Variants in PLCH2 observed in about 807,000 individuals in gnomAD.
PLCH2 encodes the protein phospholipase C eta 2, also known as 1-phosphatidylinositol 4,5-bisphosphate phosphodiesterase eta-2.
Under a neutral mutation model 134.7 loss-of-function variants are expected in PLCH2, and 98 were observed. The observed-to-expected ratio is 0.73, with a 90% CI of 0.62 to 0.86. The LOEUF (loss-of-function observed/expected upper bound fraction) is 0.86, where lower values mean the gene tolerates loss of function less well. Among genes scored for constraint, PLCH2 ranks in the 40% least tolerant of loss-of-function variants. The pLI is 0.00. For missense variants in PLCH2, 1,994 were observed against 1,986.6 expected (o/e 1.00, Z -0.07); for synonymous variants, 974 against 827.5 (o/e 1.18, Z -3.04).
chr1:2,483,363 G>A (rs909480895), intron 4 of PLCH2, among the ~76,000 whole-genome samples: 3 of 152,220 alleles, frequency 2.0e-5, no homozygotes, highest in African/African-American at 7.2e-5. Context: ...GGCTCACTGG[G>A]AGCGTAGGAC....
chr1:2,455,680 G>A (rs1044001289), intron 2 of PLCH2, among the ~76,000 whole-genome samples: 2 of 152,204 alleles, frequency 1.3e-5, no homozygotes, highest in African/African-American at 4.8e-5. Context: ...TCAGAGGAGC[G>A]GCCCCAGGGC....
At chr1:2,453,440 A>C (rs1360278463) in intron 2 of PLCH2, among the ~76,000 whole-genome samples, 1 of 152,142 alleles carries the variant, frequency 6.6e-6, no homozygotes, top group African/African-American at 2.4e-5. Flanking sequence ...GCGTCTGTGC[A>C]CACCGCAGGC....
chr1:2,436,480 T>C (rs1570244510), intron 2 of PLCH2, among the ~76,000 whole-genome samples: 1 of 26,614 alleles, frequency 3.8e-5, no homozygotes, highest in Non-Finnish European at 5.8e-5. Context: ...CCTTCCTCCC[T>C]CCTCCCCTCC....
Position 2,504,720 on chromosome 1 carries a change from A to G in PLCH2, c.3758A>G (p.Lys1253Arg), listed in dbSNP as rs769167371. Residue 1253 changes from lysine to arginine, a missense_variant, in exon 22 of 22, where the codon AAG becomes AGG. Physicochemically the swap from Lys to Arg is conservative, Grantham distance 26. Around this residue, in one of 2 missense-constraint regions of PLCH2, gnomAD observed 900 missense variants for 752.3 expected, o/e 1.20. Transcript: ENST00000378486. ...VGVQDCPVAA[K>R]SKSLGDLTAD... ...GTGCAGGACTGCCCCGTGGCTGCCA[A>G]GTCCAAGAGCCTGGGCGACCTCACT... The G allele has an allele frequency of 6.8e-6, 11 of 1,612,548 alleles. No homozygotes were observed. The South Asian group carries it at 1.2e-4, about 18-fold the overall frequency.
At chr1:2,464,238 G>A (rs1320768179), upstream of PLCH2, among the ~76,000 whole-genome samples, 3 of 152,170 alleles carry the variant, frequency 2.0e-5, no homozygotes, top group East Asian at 1.9e-4. Context: ...GGGGCTTCAC[G>A]AGCTTCTCCC....
chr1:2,473,862 G>A (rs968152116), upstream of PLCH2, among the ~76,000 whole-genome samples: 3 of 152,232 alleles, frequency 2.0e-5, no homozygotes, highest in Non-Finnish European at 4.4e-5. Context: ...TTCCCAGTCT[G>A]GCCTCTGGTG....
intron 2 of PLCH2, among the ~76,000 whole-genome samples, chr1:2,434,492 C>T (rs1346516557): frequency 1.3e-5 from 2 of 152,262 alleles, no homozygotes; most frequent in African/African-American, 4.8e-5. Flanking sequence ...CAAAATTAAA[C>T]ACTGCCTTTG....
chr1:2,458,478 G>A (rs140550916), intron 2 of PLCH2, among the ~76,000 whole-genome samples: 32 of 152,298 alleles, frequency 2.1e-4, no homozygotes, highest in Non-Finnish European at 3.1e-4. Flanking sequence ...TGGACATGCC[G>A]AGTGGCCGGG....
In PLCH2 at chr1:2,505,070, G is replaced by A. The variant is rs1235358846; in HGVS notation, c.4108G>A (p.Gly1370Arg). The change falls in exon 22 of 22, where the codon GGA becomes AGA. Residue 1370 changes from glycine to arginine, a missense_variant. By Grantham distance (125) the Gly-to-Arg change is moderately radical. Coordinates refer to ENST00000378486, the MANE Select transcript of PLCH2 (RefSeq NM_014638.4). ...GAGACTGCAGGGCCTGGGCCGGCAG[G>A]GACCCCCAGAAGAGGAGCGGGGCAC... ...QQRLQGLGRQGPPEEERGTPE... is the reference protein window; with the variant it reads ...QQRLQGLGRQRPPEEERGTPE... 2 of 1,538,280 alleles carry A rather than the reference G, an allele frequency of 1.3e-6. No individual in the cohort carries two copies. Among genetic ancestry groups the A allele is most frequent in the Non-Finnish European group, 1.7e-6 (2 of 1,149,622 alleles).
At chr1:2,485,708 T>C (rs573903428) in intron 5 of PLCH2, among the ~76,000 whole-genome samples, 33 of 152,110 alleles carry the variant, frequency 2.2e-4, no homozygotes, top group Admixed American at 4.6e-4. Context: ...GGACCTCCAC[T>C]CTACTGGCCA....
At chr1:2,449,590 G>A (rs887935439) in intron 2 of PLCH2, among the ~76,000 whole-genome samples, 2 of 152,208 alleles carry the variant, frequency 1.3e-5, no homozygotes, top group African/African-American at 4.8e-5. Flanking sequence ...GGTGAGGTGG[G>A]GGACCAGGTC....
At chr1:2,490,321 G>T (rs1642504779) in intron 10 of PLCH2, among the ~76,000 whole-genome samples, 1 of 152,314 alleles carries the variant, frequency 6.6e-6, no homozygotes, top group South Asian at 2.1e-4. Flanking sequence ...CCCGTGGCCA[G>T]TGCTGGCCTC....
At chr1:2,466,887 C>G (rs922219685), upstream of PLCH2, among the ~76,000 whole-genome samples, 1 of 152,148 alleles carries the variant, frequency 6.6e-6, no homozygotes, top group Admixed American at 6.5e-5. Context: ...GGTGTAGCAG[C>G]ACGCAGGGCT....
intron 4 of PLCH2, among the ~76,000 whole-genome samples, chr1:2,481,661 C>CT (rs1018487510): frequency 3.3e-5 from 5 of 152,254 alleles, no homozygotes; most frequent in Non-Finnish European, 7.3e-5. Flanking sequence ...GTCTGCAGGG[C>CT]TGGCTCTGGA....
chr1:2,486,938 A>T lies in PLCH2; in HGVS notation c.848A>T (p.Asp283Val), dbSNP rs769187070. The part of the protein sequence containing the change: ...MAGVTLESCQ[D>V]IIEQFEPCPE... ...GGTGTGACCCTCGAGAGCTGCCAGG[A>T]CATCATCGAGCAGTTTGAGCCATGC... Residue 283 changes from aspartate to valine, a missense_variant, in exon 6 of 22, where the codon GAC (aspartate) becomes GTC (valine). Transcript: ENST00000378486. 1.9e-6 allele frequency: 3 copies of T among 1,608,700 alleles called. No individual in the cohort carries two copies. The African/African-American group carries it at 4.0e-5, about 21-fold the overall frequency.
chr1:2,494,298 T>C (rs2100708482), intron 11 of PLCH2: 1 of 165,016 alleles, frequency 6.1e-6, no homozygotes, highest in Admixed American at 5.7e-5. Context: ...GCCCTGGATG[T>C]GTCTGCTACT....
intron 1 of PLCH2, among the ~76,000 whole-genome samples, chr1:2,427,772 C>T (rs775206132): frequency 6.6e-6 from 1 of 151,970 alleles, no homozygotes; most frequent in Non-Finnish European, 1.5e-5. Flanking sequence ...AGCCGGCGAG[C>T]CCTCCAGAAG....
the PLCH2 span, among the ~76,000 whole-genome samples, chr1:2,416,297 G>A: frequency 1.3e-5 from 2 of 152,212 alleles, no homozygotes; most frequent in African/African-American, 4.8e-5. Flanking sequence ...CAGCATGGCA[G>A]TTCTGGCTTC....
chr1:2,492,742 G>A (rs922859088), intron 11 of PLCH2: 7 of 152,328 alleles, frequency 4.6e-5, no homozygotes, highest in African/African-American at 1.4e-4. Flanking sequence ...TGTGCACTGG[G>A]GGTCGTGGGG....
Sources: gnomAD v4.1 joint callset for allele counts (sites outside exome capture counted in the v4.1 genomes callset) on GRCh38, gnomAD v4.1.1 for gene constraint, gnomAD v4.1.1 regional missense constraint, MANE v1.5 for transcripts, NCBI Gene and HGNC (gene_info 2026-07-23, HGNC 2026-07-21) for gene names.